EYS: variants seen among roughly 807,000 people sequenced by gnomAD.
EYS encodes EGF-like photoreceptor maintenance factor.
Under a neutral mutation model 282.1 loss-of-function variants are expected in EYS, and 250 were observed. The observed-to-expected ratio is 0.89, with a 90% CI of 0.80 to 0.98. The LOEUF is 0.98. Ranked by LOEUF, EYS falls within the 50% of genes least tolerant of loss-of-function variation. The pLI is 0.00. For missense variants in EYS, 4,016 were observed against 3,709.0 expected, an observed-to-expected ratio of 1.08 and a Z score of -2.15; for synonymous variants, 1,355 against 1,282.9, an observed-to-expected ratio of 1.06 and a Z score of -1.20.
At chr6:65,371,819 TGA>T (rs1285546803) in intron 8 of EYS, among the ~76,000 whole-genome samples, 4 of 134,958 alleles carry the variant, frequency 3.0e-5, no homozygotes, top group Non-Finnish European at 6.4e-5. Flanking sequence ...ACAGACAGAA[TGA>T]GAGAGAGAGA....
chr6:64,544,438 C>T (rs1450640824), intron 26 of EYS, among the ~76,000 whole-genome samples: 1 of 152,158 alleles, frequency 6.6e-6, no homozygotes, highest in African/African-American at 2.4e-5. Context: ...AGGAAACCAT[C>T]TAGCACTCCT....
chr6:64,258,815 A>C (rs2150351930), intron 30 of EYS, among the ~76,000 whole-genome samples: 1 of 151,868 alleles, frequency 6.6e-6, no homozygotes, highest in South Asian at 2.1e-4. Flanking sequence ...TCCATGTTAT[A>C]CCCCCATAGA....
intron 12 of EYS, among the ~76,000 whole-genome samples, chr6:65,177,185 C>T (rs989518747): frequency 6.6e-6 from 1 of 151,706 alleles, no homozygotes; most frequent in Non-Finnish European, 1.5e-5. Flanking sequence ...TTGCTGGCAA[C>T]TAATTTGTCT....
chr6:64,747,371 C>T (rs892536576), intron 22 of EYS, among the ~76,000 whole-genome samples: 2 of 152,074 alleles, frequency 1.3e-5, no homozygotes, highest in Admixed American at 6.5e-5. Context: ...ATCCCAGAAT[C>T]TTTTTGGTTT....
intron 30 of EYS, among the ~76,000 whole-genome samples, chr6:64,296,579 TATATACATATATATA>T (rs1769018109): frequency 1.8e-3 from 12 of 6,724 alleles, no homozygotes; most frequent in African/African-American, 8.8e-3. Context: ...TATATATATA[TATATACATATATATA>T]TATATTTTTT....
At chr6:65,224,131 T>C (rs904707736) in intron 12 of EYS, among the ~76,000 whole-genome samples, 1 of 151,990 alleles carries the variant, frequency 6.6e-6, no homozygotes, top group Non-Finnish European at 1.5e-5. Context: ...AAATACAAAT[T>C]CTTATTAAGT....
intron 24 of EYS, among the ~76,000 whole-genome samples, chr6:64,601,729 T>G (rs1582942505): frequency 6.6e-6 from 1 of 152,210 alleles, no homozygotes; most frequent in African/African-American, 2.4e-5. Flanking sequence ...TTGAAAAAAC[T>G]TGTTAGTATA....
chr6:65,246,791 G>A (rs538446802), intron 12 of EYS, among the ~76,000 whole-genome samples: 7 of 152,120 alleles, frequency 4.6e-5, no homozygotes, highest in African/African-American at 1.4e-4. Context: ...ACAAAGAATG[G>A]CTAAGCAGAT....
At chr6:65,084,364 G>C (rs1203499162) in intron 12 of EYS, among the ~76,000 whole-genome samples, 3 of 152,068 alleles carry the variant, frequency 2.0e-5, no homozygotes, top group Non-Finnish European at 2.9e-5. Context: ...TTAGAGAAAA[G>C]CTATACTTAG....
chr6:64,150,085 G>A (rs1774651983), intron 31 of EYS, among the ~76,000 whole-genome samples: 1 of 152,172 alleles, frequency 6.6e-6, no homozygotes, highest in Admixed American at 6.5e-5. Flanking sequence ...TCTAGGGCCT[G>A]GGATTCAAAG....
chr6:65,275,932 C>T (rs1204946825), intron 12 of EYS, among the ~76,000 whole-genome samples: 1 of 152,054 alleles, frequency 6.6e-6, no homozygotes, highest in African/African-American at 2.4e-5. Flanking sequence ...ATGCACTTAC[C>T]AAATACCTTA....
At chr6:64,614,640 AAT>A (rs1313893342) in intron 24 of EYS, among the ~76,000 whole-genome samples, 4 of 152,116 alleles carry the variant, frequency 2.6e-5, no homozygotes, top group Non-Finnish European at 5.9e-5. Flanking sequence ...AAATGCATTT[AAT>A]ACACCTAATC....
intron 12 of EYS, among the ~76,000 whole-genome samples, chr6:65,209,266 T>C (rs1260995301): frequency 6.6e-6 from 1 of 151,576 alleles, no homozygotes; most frequent in African/African-American, 2.4e-5. Flanking sequence ...TTTTTTTTAA[T>C]TTTTACTTCC....
intron 29 of EYS, among the ~76,000 whole-genome samples, chr6:64,339,849 G>C (rs533531067): frequency 6.6e-6 from 1 of 151,722 alleles, no homozygotes; most frequent in Non-Finnish European, 1.5e-5. Flanking sequence ...GCTAAACTGT[G>C]AGGACACAAA....
chr6:63,922,034 A>G lies in EYS; in HGVS notation c.7056-57676T>C, dbSNP rs530255270. On this transcript the variant is annotated intron_variant, in intron 35 of 42. Transcript: ENST00000503581. Reference sequence around the variant, plus strand: ...AAGAAAGGGAGAGAGATTTACACACACAGCCTTCGAGGAAAGGCTGTGTGG... The same window carrying G: ...AAGAAAGGGAGAGAGATTTACACACGCAGCCTTCGAGGAAAGGCTGTGTGG... 2.0e-4 allele frequency among the ~76,000 whole-genome samples: 31 copies of G among 152,308 alleles called. No homozygotes were observed. In the South Asian group the frequency reaches 3.3e-3, roughly 16 times the overall value.
intron 26 of EYS, among the ~76,000 whole-genome samples, chr6:64,468,149 G>A (rs984315701): frequency 1.3e-5 from 2 of 152,090 alleles, no homozygotes; most frequent in Admixed American, 6.5e-5. Context: ...CCAGCTTGTT[G>A]CCATCATTAC....
Position 65,429,970 on chromosome 6 carries a change from A to G in EYS, c.863-24603T>C, listed in dbSNP as rs1003371198. On this transcript the variant is annotated intron_variant, in intron 5 of 42. Transcript: ENST00000503581. ...ATGGATAGCTGTTTTAATCCTCATA[A>G]TAACCTATCAGATAGTAGCATTATT... Among the ~76,000 whole-genome samples the G allele has an allele frequency of 2.6e-5, 4 of 152,168 alleles. No individual in the cohort carries two copies. The East Asian group carries it at 7.7e-4, about 29-fold the overall frequency.
intron 31 of EYS, among the ~76,000 whole-genome samples, chr6:64,189,492 A>T (rs1765042890): frequency 1.3e-5 from 2 of 152,252 alleles, no homozygotes; most frequent in South Asian, 4.1e-4. Context: ...CTATGAAATA[A>T]TCAGCTTCAT....
intron 36 of EYS, among the ~76,000 whole-genome samples, chr6:63,815,543 A>C (rs1478581736): frequency 6.6e-6 from 1 of 152,234 alleles, no homozygotes; most frequent in Non-Finnish European, 1.5e-5. Context: ...CTGGCCATGG[A>C]TGAATAAAAT....
Sources: gnomAD v4.1 joint callset for allele counts (sites outside exome capture counted in the v4.1 genomes callset) on GRCh38, gnomAD v4.1.1 for gene constraint, MANE v1.5 for transcripts, NCBI Gene and HGNC (gene_info 2026-07-23, HGNC 2026-07-21) for gene names.